CDC42EP3: variants seen among roughly 807,000 people sequenced by gnomAD.
CDC42EP3 encodes the protein CDC42 effector protein (Rho GTPase binding) 3.
CDC42EP3 carries 4 observed loss-of-function variants against 15.5 expected under a neutral mutation model. The observed-to-expected ratio is 0.26, with a 90% confidence interval of 0.13 to 0.59. The LOEUF (loss-of-function observed/expected upper bound fraction) is 0.59. Ranked by LOEUF, CDC42EP3 falls within the 20% of genes least tolerant of loss-of-function variation. The pLI, the probability that CDC42EP3 is intolerant of heterozygous loss-of-function variation, is 0.89. For missense variants in CDC42EP3, 309 were observed against 311.2 expected, an observed-to-expected ratio of 0.99 and a Z score of 0.05; for synonymous variants, 145 against 130.3, an observed-to-expected ratio of 1.11 and a Z score of -0.77.
chr2:37,668,008 C>T (rs1485944733), intron 1 of CDC42EP3, among the ~76,000 whole-genome samples: 1 of 152,232 alleles, frequency 6.6e-6, no homozygotes, highest in Non-Finnish European at 1.5e-5. Context: ...GAACCTTGGA[C>T]AGTACTGAAC....
At chr2:37,662,403 A>T (rs1236081479) in intron 1 of CDC42EP3, among the ~76,000 whole-genome samples, 20 of 152,246 alleles carry the variant, frequency 1.3e-4, no homozygotes, top group Non-Finnish European at 8.8e-5. Flanking sequence ...ATAAGGAAGA[A>T]GATGAGCTGG....
At chr2:37,667,483 G>A (rs1558344506) in intron 1 of CDC42EP3, among the ~76,000 whole-genome samples, 1 of 152,162 alleles carries the variant, frequency 6.6e-6, no homozygotes, top group Non-Finnish European at 1.5e-5. Flanking sequence ...CCAGCCACCA[G>A]AAGTCCTTGT....
intron 1 of CDC42EP3, among the ~76,000 whole-genome samples, chr2:37,649,976 C>G (rs1665612922): frequency 6.6e-6 from 1 of 152,256 alleles, no homozygotes. Flanking sequence ...GGGGCATAGG[C>G]TTCTAGGACT....
rs1380449888 is a variant in CDC42EP3, at chr2:37,644,486, C to T, written c.*1337G>A. ...CTCGTTTTAGCTGCCTTTATCTCGTCTATATGGCACTTTCTGCGTGAAAAG... is the reference window on the plus strand; with the variant it reads ...CTCGTTTTAGCTGCCTTTATCTCGTTTATATGGCACTTTCTGCGTGAAAAG... On this transcript the variant is annotated 3_prime_UTR_variant, in exon 2 of 2. Transcript: ENST00000295324. 6.6e-6 allele frequency: 1 copy of T among 152,024 alleles called. No individual in the cohort carries two copies. The highest frequency in any genetic ancestry group is 1.5e-5 in the Non-Finnish European group (1 of 68,004). The allele number at this position is 152,024 out of a possible 1,614,324, so 9.4% of individuals were successfully genotyped here.
chr2:37,648,053 T>C (rs905284333), intron 1 of CDC42EP3, among the ~76,000 whole-genome samples: 30 of 152,194 alleles, frequency 2.0e-4, no homozygotes, highest in Non-Finnish European at 7.4e-5. Context: ...TTGTTACCAG[T>C]GTAGAAAGCA....
chr2:37,655,783 C>T (rs1440960148), intron 1 of CDC42EP3, among the ~76,000 whole-genome samples: 3 of 152,190 alleles, frequency 2.0e-5, no homozygotes, highest in Admixed American at 6.5e-5. Context: ...AGGAAGAGAA[C>T]TTGACTCTGA....
chr2:37,645,614 C>CT lies in CDC42EP3; in HGVS notation c.*208dup, dbSNP rs561065365. The CT allele has an allele frequency of 6.8e-6, 3 of 440,552 alleles. No homozygotes were observed. Among genetic ancestry groups the CT allele is most frequent in the East Asian group, 3.5e-5 (1 of 28,458 alleles). 27.3% of individuals were successfully genotyped at this position (440,552 alleles called of 1,614,324 possible). A position where few individuals can be genotyped will look rare whatever the true frequency, so the allele number is the denominator to read the frequency against. On this transcript the variant is annotated 3_prime_UTR_variant, in exon 2 of 2. Transcript: ENST00000295324. ...CTGAAAATGGGCTCTGACTCACTTC[C>CT]TTTTTTTGCCAAGATAGGTTTTGCT...
intron 1 of CDC42EP3, among the ~76,000 whole-genome samples, chr2:37,663,185 AAAACAAAAC>A (rs1666131777): frequency 6.6e-6 from 1 of 152,066 alleles, no homozygotes; most frequent in African/African-American, 2.4e-5. Context: ...AAAACAAAAC[AAAACAAAAC>A]AAAAAAAACA....
At chr2:37,656,990 ACCCCCCG>A (rs1349339050) in intron 1 of CDC42EP3, among the ~76,000 whole-genome samples, 1 of 42,306 alleles carries the variant, frequency 2.4e-5, no homozygotes, top group Non-Finnish European at 5.0e-5. Flanking sequence ...CCCCCCCCCC[ACCCCCCG>A]CCCCCCGCCA....
chr2:37,646,002 A>C lies in CDC42EP3; in HGVS notation c.586T>G (p.Tyr196Asp). The C allele has an allele frequency of 6.2e-7, 1 of 1,613,912 alleles. No individual in the cohort carries two copies. The highest frequency in any genetic ancestry group is 8.5e-7 in the Non-Finnish European group (1 of 1,179,878). Residue 196 changes from tyrosine (Y) to aspartate (D), a missense_variant, in exon 2 of 2, where the codon TAC (tyrosine) becomes GAC (aspartate). Physicochemically the swap from Tyr to Asp is radical, Grantham distance 160. Transcript: ENST00000295324. ...DSHSSSLSEQ[Y>D]PDWPAEDMFD... ...ATGTCCTCGGCTGGCCAGTCGGGGT[A>C]CTGTTCGGACAGGCTGGAGGAGTGG...
At chr2:37,647,052 G>A (rs2072419) in intron 1 of CDC42EP3, among the ~76,000 whole-genome samples, 48,175 of 152,076 alleles carry the variant, frequency 0.32, 8,882 homozygotes, top group East Asian at 0.59. Flanking sequence ...ATAGCCATGG[G>A]CACATCTTCT....
chr2:37,657,841 A>G (rs1665928235), intron 1 of CDC42EP3, among the ~76,000 whole-genome samples: 1 of 152,162 alleles, frequency 6.6e-6, no homozygotes, highest in South Asian at 2.1e-4. Flanking sequence ...GGTAGAAGCC[A>G]GGAATGCTGC....
chr2:37,652,908 C>G (rs1305380418), intron 1 of CDC42EP3, among the ~76,000 whole-genome samples: 1 of 152,132 alleles, frequency 6.6e-6, no homozygotes, highest in Non-Finnish European at 1.5e-5. Context: ...CTCCCACTAT[C>G]TTACCTAAAT....
At chr2:37,667,936 G>C (rs1666294974) in intron 1 of CDC42EP3, among the ~76,000 whole-genome samples, 1 of 152,298 alleles carries the variant, frequency 6.6e-6, no homozygotes, top group South Asian at 2.1e-4. Context: ...TGGAAAAGAA[G>C]AGCAATATAA....
Position 37,645,871 on chromosome 2 carries a change from C to T in CDC42EP3, c.717G>A (p.Gly239=). The T allele has an allele frequency of 1.9e-6, 3 of 1,581,118 alleles. No individual in the cohort carries two copies. Among genetic ancestry groups the T allele is most frequent in the Non-Finnish European group, 2.6e-6 (3 of 1,167,430 alleles). ...GSLLSLQLDL[G]PSLLDEVLNV... is the part of the protein sequence containing the mutation. Reference sequence around the variant, plus strand: ...TCAGCACCTCATCCAAAAGTGAGGGCCCAAGATCAAGCTGCAGGGAGAGGA... The same window carrying T: ...TCAGCACCTCATCCAAAAGTGAGGGTCCAAGATCAAGCTGCAGGGAGAGGA... Residue 239 remains glycine, a synonymous_variant, in exon 2 of 2, where the codon GGG becomes GGA. Transcript: ENST00000295324.
upstream of CDC42EP3, among the ~76,000 whole-genome samples, chr2:37,672,767 C>T (rs1332252227): frequency 6.6e-6 from 1 of 152,154 alleles, no homozygotes; most frequent in Non-Finnish European, 1.5e-5. Flanking sequence ...GGCCTGGCCT[C>T]TGCCCTGAGA....
At chr2:37,651,100 C>A (rs1257395909) in intron 1 of CDC42EP3, among the ~76,000 whole-genome samples, 1 of 151,994 alleles carries the variant, frequency 6.6e-6, no homozygotes, top group Non-Finnish European at 1.5e-5. Flanking sequence ...ATATGCTCAT[C>A]CGAGAAGAGC....
intron 1 of CDC42EP3, among the ~76,000 whole-genome samples, chr2:37,652,130 G>A (rs529500007): frequency 7.8e-5 from 10 of 128,092 alleles, no homozygotes; most frequent in African/African-American, 3.1e-4. Context: ...AGCCAAGATC[G>A]TGCCACTGCA....
chr2:37,652,992 C>T (rs1445067152), intron 1 of CDC42EP3, among the ~76,000 whole-genome samples: 1 of 152,224 alleles, frequency 6.6e-6, no homozygotes, highest in African/African-American at 2.4e-5. Flanking sequence ...GAACTTCCCA[C>T]AATTATTCCT....
Sources: allele counts gnomAD v4.1 joint callset (sites outside exome capture counted in the v4.1 genomes callset), GRCh38; gene constraint gnomAD v4.1.1; transcripts MANE v1.5; gene names NCBI Gene and HGNC (gene_info 2026-07-23, HGNC 2026-07-21).